The following TRIP12 variants were observed in gnomAD, a reference collection of about 807,000 sequenced individuals.
TRIP12 encodes the protein E3 ubiquitin-protein ligase TRIP12.
In TRIP12, 25 loss-of-function variants were observed where a neutral mutation model predicts 244.2. The ratio of observed to expected loss-of-function variants is 0.10; its 90% CI spans 0.07 to 0.14. TRIP12 has a LOEUF of 0.14. Among genes scored for constraint, TRIP12 ranks in the 10% least tolerant of loss-of-function variants. The pLI is 1.00. For synonymous variants in TRIP12, 905 were observed against 873.1 expected (o/e 1.04, Z -0.64); for missense variants, 1,677 against 2,486.4 (o/e 0.67, Z 6.92).
intron 20 of TRIP12, 67 bp from the exon 21 acceptor site, chr2:229,802,526 C>T: frequency 1.6e-6 from 2 of 1,227,972 alleles, no homozygotes; most frequent in East Asian, 2.5e-5. Flanking sequence ...CCCACCATTA[C>T]AAAATCCCTA....
At chr2:229,873,110 T>A (rs765658226) in intron 2 of TRIP12, among the ~76,000 whole-genome samples, 33 of 152,186 alleles carry the variant, frequency 2.2e-4, no homozygotes, top group Non-Finnish European at 3.7e-4. Flanking sequence ...TGTGACCTCA[T>A]TACTAGAGAA....
chr2:229,823,699 C>G (rs503926), intron 8 of TRIP12, among the ~76,000 whole-genome samples: 10 of 150,612 alleles, frequency 6.6e-5, no homozygotes, highest in Non-Finnish European at 1.2e-4. Context: ...ACAACAACAA[C>G]AAAAAATAAG....
At chr2:229,878,177 C>T (rs977428846) in intron 2 of TRIP12, among the ~76,000 whole-genome samples, 1 of 152,138 alleles carries the variant, frequency 6.6e-6, no homozygotes. Context: ...AAAGGCTGGG[C>T]GCGGTGGCTA....
intron 2 of TRIP12, among the ~76,000 whole-genome samples, chr2:229,867,116 T>G (rs932753202): frequency 6.6e-6 from 1 of 151,492 alleles, no homozygotes; most frequent in Non-Finnish European, 1.5e-5. Context: ...TTTGTTTTTT[T>G]TTTTAAGTGT....
chr2:229,869,273 G>A (rs1394210404), intron 2 of TRIP12, among the ~76,000 whole-genome samples: 1 of 152,076 alleles, frequency 6.6e-6, no homozygotes, highest in Non-Finnish European at 1.5e-5. Context: ...ACATTTCTGT[G>A]CCCAGAAATT....
intron 20 of TRIP12, among the ~76,000 whole-genome samples, chr2:229,802,944 T>C (rs770308375): frequency 7.3e-5 from 11 of 151,708 alleles, no homozygotes; most frequent in Non-Finnish European, 1.3e-4. Flanking sequence ...TTAAGGTGTG[T>C]AAAGAGAGCT....
chr2:229,858,418 T>G (rs1481348821), intron 4 of TRIP12, among the ~76,000 whole-genome samples: 2 of 152,096 alleles, frequency 1.3e-5, no homozygotes, highest in Non-Finnish European at 2.9e-5. Flanking sequence ...TAAAAAGAAC[T>G]CCTAACTAAA....
chr2:229,821,128 T>A lies in TRIP12; in HGVS notation c.1451-2616A>T, dbSNP rs79316413. Among the ~76,000 whole-genome samples, 548 of 152,280 alleles carry A rather than the reference T, an allele frequency of 3.6e-3. 8 individuals carry two copies. Among genetic ancestry groups the A allele is most frequent in the Admixed American group, 0.028 (434 of 15,296 alleles). ...AATTAACTTTGGTTCAGTAAGGGCA[T>A]CTTAGATAAAAACTGAATTATATTT... On this transcript the variant is annotated intron_variant, in intron 8 of 41. Coordinates refer to ENST00000675903, the MANE Select transcript of TRIP12 (RefSeq NM_001348323.3).
chr2:229,819,034 TAAA>T (rs1444672037), intron 8 of TRIP12, among the ~76,000 whole-genome samples: 1 of 125,664 alleles, frequency 8.0e-6, no homozygotes, highest in Non-Finnish European at 1.6e-5. Flanking sequence ...TCTGTAAAAA[TAAA>T]AACCACACAC....
intron 3 of TRIP12, 138 bp downstream of exon 3, chr2:229,860,267 GT>G (rs2060247874): frequency 9.3e-7 from 1 of 1,077,218 alleles, no homozygotes; most frequent in African/African-American, 1.6e-5. Context: ...GTGATAAACT[GT>G]CAATCCTAAA....
intron 8 of TRIP12, among the ~76,000 whole-genome samples, chr2:229,823,659 G>A (rs1413084513): frequency 1.3e-5 from 2 of 148,864 alleles, no homozygotes; most frequent in South Asian, 4.3e-4. Context: ...CTGGGCAACA[G>A]AGGAGACTCT....
At chr2:229,835,760 G>T (rs928681372) in intron 6 of TRIP12, among the ~76,000 whole-genome samples, 18 of 152,144 alleles carry the variant, frequency 1.2e-4, no homozygotes, top group African/African-American at 3.9e-4. Flanking sequence ...TTTGGGAATT[G>T]CCCCATTTCC....
At chr2:229,852,386 ATAAGAAGG>A (rs1040222574) in intron 4 of TRIP12, among the ~76,000 whole-genome samples, 10 of 152,098 alleles carry the variant, frequency 6.6e-5, no homozygotes, top group Non-Finnish European at 1.2e-4. Flanking sequence ...ATTAGCTTTT[ATAAGAAGG>A]TAGATTAGCA....
intron 1 of TRIP12, among the ~76,000 whole-genome samples, chr2:229,908,853 A>G (rs549323120): frequency 1.3e-4 from 20 of 152,234 alleles, no homozygotes; most frequent in African/African-American, 4.3e-4. Flanking sequence ...GCATTCTGGG[A>G]GGCCGAGGCG....
intron 1 of TRIP12, among the ~76,000 whole-genome samples, chr2:229,909,176 C>A (rs2073725347): frequency 1.3e-5 from 2 of 151,604 alleles, no homozygotes; most frequent in African/African-American, 4.9e-5. Context: ...AGGCCAAGGA[C>A]TACATTTTAT....
At chr2:229,781,480 T>A (rs1260766504) in intron 34 of TRIP12, among the ~76,000 whole-genome samples, 1 of 152,192 alleles carries the variant, frequency 6.6e-6, no homozygotes, top group African/African-American at 2.4e-5. Flanking sequence ...AGGACACTGA[T>A]GAGTTTATGT....
Position 229,859,041 on chromosome 2 carries a change from G to A in TRIP12, c.758C>T (p.Ser253Leu), listed in dbSNP as rs755905858. 4.3e-6 allele frequency: 7 copies of A among 1,614,058 alleles called. No homozygotes were observed. Among genetic ancestry groups the A allele is most frequent in the East Asian group, 4.5e-5 (2 of 44,894 alleles). ...ACCTGGTGGTACAGTGGAGGAGGCC[G>A]AGGCTACAGCAGAAGACGAGGAGGA... ...STSSSSSAVASASSTVPPGAR... is the reference protein window; with the variant it reads ...STSSSSSAVALASSTVPPGAR... The change falls in exon 4 of 42, where the codon TCG (serine) becomes TTG (leucine). Residue 253 changes from serine to leucine, a missense_variant. Physicochemically the swap from Ser to Leu is moderately radical, Grantham distance 145. This residue lies in a region of TRIP12 where 387 missense variants were observed against 392.6 expected (regional missense o/e 0.99). Transcript: ENST00000675903.
intron 21 of TRIP12, 151 bp downstream of exon 21, chr2:229,802,101 G>A: frequency 1.9e-6 from 1 of 526,178 alleles, no homozygotes; most frequent in Non-Finnish European, 3.0e-6. Flanking sequence ...TCCAATAAAT[G>A]TTTTCTTCCC....
rs760217731 is a variant in TRIP12, at chr2:229,767,760, A to G, written c.6008-10T>C. The G allele has an allele frequency of 1.3e-6, 2 of 1,597,914 alleles. No individual in the cohort carries two copies. Among genetic ancestry groups the G allele is most frequent in the South Asian group, 2.3e-5 (2 of 87,500 alleles). ...TTCAAACTCCGGAATCCTGATTAAG[A>G]GAAAAAGAAAGACAAGGAACTTAAG... On this transcript the variant is annotated splice_polypyrimidine_tract_variant and intron_variant, in intron 41 of 41. Coordinates refer to ENST00000675903, the MANE Select transcript of TRIP12 (RefSeq NM_001348323.3).
Sources: gnomAD v4.1 joint callset for allele counts (sites outside exome capture counted in the v4.1 genomes callset) on GRCh38, gnomAD v4.1.1 for gene constraint, gnomAD v4.1.1 regional missense constraint, MANE v1.5 for transcripts, NCBI Gene and HGNC (gene_info 2026-07-23, HGNC 2026-07-21) for gene names.